The following MGAT4D variants were observed in gnomAD, a reference collection of about 807,000 sequenced individuals.
The protein encoded by MGAT4D is alpha-1,3-mannosyl-glycoprotein 4-beta-N-acetylglucosaminyltransferase-like protein MGAT4D.
Under a neutral mutation model 15.9 loss-of-function variants are expected in MGAT4D, and 34 were observed. The ratio of observed to expected loss-of-function variants is 2.14; its 90% CI spans 1.62 to 2.84. The LOEUF is 2.84. Among genes scored for constraint, MGAT4D ranks in the 30% most tolerant of loss-of-function variants. The pLI, the probability that MGAT4D is intolerant of heterozygous loss-of-function variation, is 0.00. For missense variants in MGAT4D, 327 were observed against 140.2 expected, an observed-to-expected ratio of 2.33 and a Z score of -6.73; for synonymous variants, 112 against 48.2, an observed-to-expected ratio of 2.33 and a Z score of -5.49.
intron 3 of MGAT4D, among the ~76,000 whole-genome samples, chr4:140,476,141 T>C (rs578175382): frequency 6.6e-6 from 1 of 152,310 alleles, no homozygotes; most frequent in East Asian, 1.9e-4. Context: ...TTCTTTTTTG[T>C]AAAATCCTTG....
chr4:140,461,574 T>C (rs979521629), intron 7 of MGAT4D, among the ~76,000 whole-genome samples: 4 of 152,098 alleles, frequency 2.6e-5, no homozygotes, highest in African/African-American at 9.7e-5. Flanking sequence ...TTAAAATGCA[T>C]TTGCTTAATC....
chr4:140,456,539 T>C (rs1730813746), intron 9 of MGAT4D, 50 bp downstream of exon 9: 1 of 544,188 alleles, frequency 1.8e-6, no homozygotes. Context: ...TTACGTTGGA[T>C]AGATAATATT....
chr4:140,486,619 A>G (rs1733152884), intron 1 of MGAT4D, among the ~76,000 whole-genome samples: 1 of 152,194 alleles, frequency 6.6e-6, no homozygotes, highest in Admixed American at 6.5e-5. Context: ...TTCACTCCAG[A>G]GATTTCTAGA....
chr4:140,447,974 G>A (rs1730239011), intron 10 of MGAT4D, among the ~76,000 whole-genome samples: 5 of 152,132 alleles, frequency 3.3e-5, no homozygotes, highest in African/African-American at 9.7e-5. Context: ...GCTTAGTTTG[G>A]CTGGATATGA....
intron 5 of MGAT4D, among the ~76,000 whole-genome samples, chr4:140,467,840 A>C (rs1188475812): frequency 1.3e-5 from 2 of 152,056 alleles, no homozygotes; most frequent in Non-Finnish European, 2.9e-5. Flanking sequence ...ATACAGTTTC[A>C]TATGAGGTTA....
intron 3 of MGAT4D, among the ~76,000 whole-genome samples, chr4:140,478,466 A>G (rs1450921249): frequency 6.6e-6 from 1 of 152,142 alleles, no homozygotes; most frequent in Non-Finnish European, 1.5e-5. Flanking sequence ...GTACTTTCTC[A>G]TACATTCACA....
intron 1 of MGAT4D, among the ~76,000 whole-genome samples, chr4:140,490,021 CTG>C (rs1197059657): frequency 3.3e-5 from 5 of 152,160 alleles, no homozygotes; most frequent in Non-Finnish European, 7.4e-5. Flanking sequence ...ACGGAAGAGA[CTG>C]AATGTGTACT....
rs542918005 is a variant in MGAT4D at position 140,457,813 on chromosome 4, T to C, written c.878-1094A>G. 24 of 152,320 alleles carry C rather than the reference T, an allele frequency of 1.6e-4. No homozygotes were observed. In the South Asian group the frequency reaches 5.0e-3, roughly 32 times the overall value. 9.4% of individuals were successfully genotyped at this position (152,320 alleles called of 1,614,324 possible). The stretch of plus-strand genomic sequence containing the variant: ...GACTAATCCATCAGCAAGATTACTT[T>C]GTCTGCATGCCTTACTTTGGGTATT... On this transcript the variant is annotated intron_variant, in intron 8 of 10. Transcript: ENST00000511113.
chr4:140,460,018 C>T (rs984792464), intron 7 of MGAT4D, among the ~76,000 whole-genome samples: 12 of 151,974 alleles, frequency 7.9e-5, no homozygotes, highest in African/African-American at 1.7e-4. Context: ...GTGAGCCTCC[C>T]GCCTTGGCCT....
intron 10 of MGAT4D, chr4:140,450,232 T>C (rs1254651101): frequency 8.3e-6 from 2 of 240,854 alleles, no homozygotes; most frequent in Admixed American, 1.1e-4. Context: ...AAAGCCAGCA[T>C]TATAACATCA....
chr4:140,482,339 AC>A lies in MGAT4D; in HGVS notation c.240del (p.Leu80PhefsTer5), dbSNP rs1175290076. ...MKYEITKREI[L>X]SGNLVAQKAD... ...AATCAACACAAACCTAAGTTTCCTG[AC>A]AAAATTTCTCTCTTTGTAATTTCAT... is the stretch of plus-strand genomic sequence containing the variant. On this transcript the variant is annotated frameshift_variant, in exon 2 of 11. Transcript: ENST00000511113. LOFTEE classifies it high-confidence loss of function. 1.6e-6 allele frequency: 1 copy of A among 626,360 alleles called. No homozygotes were observed. Among genetic ancestry groups the A allele is most frequent in the Non-Finnish European group, 2.8e-6 (1 of 356,908 alleles). 38.8% of individuals were successfully genotyped at this position (626,360 alleles called of 1,614,324 possible). A position where few individuals can be genotyped will look rare whatever the true frequency, so the allele number is the denominator to read the frequency against.
chr4:140,480,728 A>AACACACACACACAC (rs10615827), intron 2 of MGAT4D, among the ~76,000 whole-genome samples: 6 of 125,600 alleles, frequency 4.8e-5, no homozygotes, highest in Non-Finnish European at 1.0e-4. Context: ...CTCATCTCTA[A>AACACACACACACAC]ACACACACAC....
chr4:140,493,227 C>T (rs1733616169), intron 1 of MGAT4D, among the ~76,000 whole-genome samples: 1 of 152,004 alleles, frequency 6.6e-6, no homozygotes, highest in Admixed American at 6.6e-5. Context: ...TCCTCTCCCA[C>T]CCCATCTCAT....
In MGAT4D at chr4:140,474,906, A is replaced by G. The variant is rs895556653; in HGVS notation, c.432T>C (p.Asn144=). The change falls in exon 4 of 11, where the codon AAT becomes AAC. Residue 144 remains asparagine (N), a synonymous_variant. Coordinates refer to ENST00000511113, the MANE Select transcript of MGAT4D (RefSeq NM_001277353.2). Reference sequence around the variant, plus strand: ...TCAGTGTCTGTTTCAGGTAACTATAATTTCCTCTGTTAACAGTGGAAATAC... The same window carrying G: ...TCAGTGTCTGTTTCAGGTAACTATAGTTTCCTCTGTTAACAGTGGAAATAC... ...ALGISTVNRG[N]YSYLKQTLTS... is the part of the protein sequence containing the mutation. 7 of 698,846 alleles carry G rather than the reference A, an allele frequency of 1.0e-5. No homozygotes were observed. The highest frequency in any genetic ancestry group is 1.8e-5 in the Non-Finnish European group (7 of 383,622). 43.3% of individuals were successfully genotyped at this position (698,846 alleles called of 1,614,324 possible).
In MGAT4D at chr4:140,485,505, A is replaced by G. The variant is rs543491520; in HGVS notation, c.95-3020T>C. On this transcript the variant is annotated intron_variant, in intron 1 of 10. Transcript: ENST00000511113. ...AGCATGGCACATGTATACATATGTA[A>G]CTAACCTGCATATTGTGCTCATGTA... Among the ~76,000 whole-genome samples the G allele has an allele frequency of 7.0e-4, 106 of 152,206 alleles. 2 individuals are homozygous for G. The Middle Eastern group carries it at 0.017, about 24-fold the overall frequency.
chr4:140,494,989 A>T (rs1218839213), intron 1 of MGAT4D, among the ~76,000 whole-genome samples: 1 of 152,190 alleles, frequency 6.6e-6, no homozygotes, highest in African/African-American at 2.4e-5. Flanking sequence ...TAATATTTAA[A>T]TGTATGTGTG....
intron 10 of MGAT4D, among the ~76,000 whole-genome samples, chr4:140,449,576 G>A (rs1730342155): frequency 6.6e-6 from 1 of 152,060 alleles, no homozygotes; most frequent in Non-Finnish European, 1.5e-5. Flanking sequence ...TGGCTAACAC[G>A]GTGAAACCCC....
At chr4:140,492,271 AG>A (rs1161265621) in intron 1 of MGAT4D, among the ~76,000 whole-genome samples, 1 of 152,120 alleles carries the variant, frequency 6.6e-6, no homozygotes, top group Non-Finnish European at 1.5e-5. Flanking sequence ...TGGAGCTGTG[AG>A]GGAAAAAGAC....
chr4:140,460,270 T>C (rs1022502570), intron 7 of MGAT4D, among the ~76,000 whole-genome samples: 3 of 152,218 alleles, frequency 2.0e-5, no homozygotes, highest in Admixed American at 2.0e-4. Flanking sequence ...ATGGGTAGTT[T>C]ATAAACAACA....
Sources: allele counts gnomAD v4.1 joint callset (sites outside exome capture counted in the v4.1 genomes callset), GRCh38; gene constraint gnomAD v4.1.1; transcripts MANE v1.5; gene names NCBI Gene and HGNC (gene_info 2026-07-23, HGNC 2026-07-21).